ZMYND12: variants seen among roughly 807,000 people sequenced by gnomAD.
ZMYND12 encodes zinc finger MYND-type containing 12.
ZMYND12 carries 32 observed loss-of-function variants against 41.7 expected under a neutral mutation model. That is an observed-to-expected ratio of 0.77 (90% CI 0.58 to 1.03). The LOEUF (loss-of-function observed/expected upper bound fraction) is 1.03, where lower values mean the gene tolerates loss of function less well. Ranked by LOEUF, ZMYND12 falls within the 50% of genes least tolerant of loss-of-function variation. The pLI is 0.00. For missense variants in ZMYND12, 424 were observed against 438.5 expected (o/e 0.97, Z 0.30); for synonymous variants, 148 against 164.8 (o/e 0.90, Z 0.78).
chr1:42,451,076 T>C (rs532098501), intron 1 of ZMYND12, among the ~76,000 whole-genome samples: 8 of 152,238 alleles, frequency 5.3e-5, no homozygotes, highest in Non-Finnish European at 1.2e-4. Flanking sequence ...GTTCTACAGA[T>C]ACCTGTTAGG....
At chr1:42,449,896 T>C in intron 2 of ZMYND12, 22 bp downstream of exon 2, 1 of 1,607,352 alleles carries the variant, frequency 6.2e-7, no homozygotes, top group South Asian at 1.1e-5. Flanking sequence ...GACTTAACCT[T>C]GGAAAGTGCC....
intron 7 of ZMYND12, among the ~76,000 whole-genome samples, chr1:42,431,864 T>G: frequency 6.6e-6 from 1 of 151,984 alleles, no homozygotes; most frequent in East Asian, 1.9e-4. Flanking sequence ...ACCTGTGAGC[T>G]CCTCCAGGCC....
chr1:42,433,051 G>T, intron 7 of ZMYND12, 92 bp downstream of exon 7: 1 of 1,526,358 alleles, frequency 6.6e-7, no homozygotes, highest in Non-Finnish European at 9.0e-7. Context: ...GAGGGCAAAA[G>T]CTATTGGAAT....
intron 7 of ZMYND12, among the ~76,000 whole-genome samples, chr1:42,431,942 A>C (rs906731551): frequency 6.6e-6 from 1 of 152,140 alleles, no homozygotes; most frequent in Non-Finnish European, 1.5e-5. Context: ...GAGGGAGGAA[A>C]GGAGTCTTAA....
intron 6 of ZMYND12, among the ~76,000 whole-genome samples, chr1:42,434,313 C>T (rs1314950759): frequency 5.9e-5 from 9 of 152,276 alleles, no homozygotes; most frequent in African/African-American, 2.2e-4. Flanking sequence ...TCCAACTGGG[C>T]CCTGCCACTG....
chr1:42,454,611 T>C (rs137978908), intron 1 of ZMYND12, among the ~76,000 whole-genome samples: 55 of 152,232 alleles, frequency 3.6e-4, no homozygotes, highest in East Asian at 2.9e-3. Context: ...TCCCAGGAGA[T>C]AAATTCCAAA....
intron 4 of ZMYND12, among the ~76,000 whole-genome samples, chr1:42,439,116 T>C (rs1642937929): frequency 6.6e-6 from 1 of 152,216 alleles, no homozygotes; most frequent in African/African-American, 2.4e-5. Flanking sequence ...TATACATTTA[T>C]TGTCCTATTA....
At chr1:42,431,999 CCT>C (rs1642858065) in intron 7 of ZMYND12, among the ~76,000 whole-genome samples, 1 of 151,942 alleles carries the variant, frequency 6.6e-6, no homozygotes, top group Admixed American at 6.6e-5. Flanking sequence ...CAACCAGCCT[CCT>C]CTCTCTCCCC....
At chr1:42,437,468 G>A (rs1023251406) in intron 4 of ZMYND12, among the ~76,000 whole-genome samples, 1 of 151,364 alleles carries the variant, frequency 6.6e-6, no homozygotes. Flanking sequence ...GTGTGTGTGT[G>A]TGTGTGTGTG....
intron 4 of ZMYND12, among the ~76,000 whole-genome samples, chr1:42,437,866 G>A (rs1199234868): frequency 6.6e-6 from 1 of 152,186 alleles, no homozygotes; most frequent in Non-Finnish European, 1.5e-5. Flanking sequence ...TATTTAGACG[G>A]GGTTTCACCA....
chr1:42,449,789 A>C (rs1473472456), intron 2 of ZMYND12, 129 bp downstream of exon 2: 1 of 1,159,634 alleles, frequency 8.6e-7, no homozygotes, highest in African/African-American at 1.5e-5. Flanking sequence ...TGAGGACTTA[A>C]AAAGATATAA....
chr1:42,432,056 TTTTC>T (rs1246781256), intron 7 of ZMYND12, among the ~76,000 whole-genome samples: 2 of 93,088 alleles, frequency 2.1e-5, no homozygotes, highest in Non-Finnish European at 5.0e-5. Context: ...TTCTTTTTCT[TTTTC>T]TTTTTTTTTT....
chr1:42,431,131 C>A (rs1642844337), intron 7 of ZMYND12, among the ~76,000 whole-genome samples: 1 of 152,190 alleles, frequency 6.6e-6, no homozygotes, highest in African/African-American at 2.4e-5. Flanking sequence ...CTTTGTAGGA[C>A]CTTAATCAGG....
chr1:42,431,569 C>A (rs1042983755), intron 7 of ZMYND12, among the ~76,000 whole-genome samples: 2 of 152,068 alleles, frequency 1.3e-5, no homozygotes, highest in African/African-American at 2.4e-5. Context: ...CAAGTGAAGG[C>A]CTGAAGGAAG....
At chr1:42,454,796 C>T (rs1643132516) in intron 1 of ZMYND12, among the ~76,000 whole-genome samples, 1 of 151,810 alleles carries the variant, frequency 6.6e-6, no homozygotes, top group Admixed American at 6.6e-5. Context: ...CTCCGCCTCC[C>T]GGGTTCAAAC....
chr1:42,437,024 A>C (rs147439578), intron 4 of ZMYND12, among the ~76,000 whole-genome samples: 271 of 152,316 alleles, frequency 1.8e-3, no homozygotes, highest in African/African-American at 4.9e-3. Flanking sequence ...AAATACACAA[A>C]ACATAGAAAC....
chr1:42,435,493 G>A, intron 5 of ZMYND12, 108 bp from the exon 6 acceptor site: 2 of 829,398 alleles, frequency 2.4e-6, no homozygotes, highest in Non-Finnish European at 4.1e-6. Context: ...CAACCTGGAG[G>A]TTCTCTCTCT....
intron 4 of ZMYND12, among the ~76,000 whole-genome samples, chr1:42,438,645 T>C (rs1269114737): frequency 6.6e-6 from 1 of 151,760 alleles, no homozygotes; most frequent in Non-Finnish European, 1.5e-5. Context: ...ATGGAGTCCA[T>C]AGAGGTTGTG....
chr1:42,448,680 T>C, intron 2 of ZMYND12, 42 bp from the exon 3 acceptor site: 1 of 1,550,192 alleles, frequency 6.5e-7, no homozygotes, highest in Non-Finnish European at 8.7e-7. Context: ...AGTCTAAAGT[T>C]AAAGGCAAAG....
Sources: allele counts gnomAD v4.1 joint callset (sites outside exome capture counted in the v4.1 genomes callset), GRCh38; gene constraint gnomAD v4.1.1; transcripts MANE v1.5; gene names NCBI Gene and HGNC (gene_info 2026-07-23, HGNC 2026-07-21).